The following RHBDL2 variants were observed in gnomAD, a reference collection of about 807,000 sequenced individuals.
RHBDL2 encodes the protein rhomboid like 2.
A neutral mutation model predicts 31.7 loss-of-function variants in RHBDL2; 26 were observed. The ratio of observed to expected loss-of-function variants is 0.82; its 90% CI spans 0.60 to 1.14. The LOEUF is 1.14. Among genes scored for constraint, RHBDL2 ranks in the 50% most tolerant of loss-of-function variants. The pLI, the probability that RHBDL2 is intolerant of heterozygous loss-of-function variation, is 0.00. For missense variants in RHBDL2, 336 were observed against 364.4 expected, an observed-to-expected ratio of 0.92 and a Z score of 0.63; for synonymous variants, 123 against 127.2, an observed-to-expected ratio of 0.97 and a Z score of 0.22.
At chr1:38,889,180 G>A (rs1431964775) in intron 6 of RHBDL2, among the ~76,000 whole-genome samples, 1 of 152,034 alleles carries the variant, frequency 6.6e-6, no homozygotes, top group Admixed American at 6.6e-5. Context: ...TGCAACCTCC[G>A]CCTCCCAGGT....
chr1:38,886,287 CTCT>C lies in RHBDL2; in HGVS notation c.*214_*216del, dbSNP rs1642783444. 1 of 331,702 alleles carries C rather than the reference CTCT, an allele frequency of 3.0e-6. No individual in the cohort carries two copies. The highest frequency in any genetic ancestry group is 2.1e-5 in the African/African-American group (1 of 47,236). The allele number at this position is 331,702 out of a possible 1,614,324, so 20.5% of individuals were successfully genotyped here. The stretch of plus-strand genomic sequence containing the variant: ...CTAGTTTTTACTACCCTTCTTTTCT[CTCT>C]TCTTCTTCCCTTTCTACATTAAGAA... On this transcript the variant is annotated 3_prime_UTR_variant, in exon 8 of 8. Transcript: ENST00000372990.
rs777134246 is a variant in RHBDL2 at position 38,887,996 on chromosome 1, A to G, written c.699T>C (p.Tyr233=). 4.3e-6 allele frequency: 7 copies of G among 1,613,020 alleles called. No individual in the cohort carries two copies. The highest frequency in any genetic ancestry group is 3.3e-5 in the Admixed American group (2 of 59,998). ...CATCTTCAGGAACAAAGAACCTTCT[A>G]TAGAGAGCAAATCCCATGTCCAACA... The part of the protein sequence containing the change: ...IIVLDMGFAL[Y]RRFFVPEDGS... Residue 233 remains tyrosine (Y), a synonymous_variant, in exon 7 of 8, where the codon TAT becomes TAC. Transcript: ENST00000372990.
At chr1:38,888,267 T>C (rs56066659) in intron 6 of RHBDL2, among the ~76,000 whole-genome samples, 18,960 of 151,956 alleles carry the variant, frequency 0.12, 1,527 homozygotes, top group Non-Finnish European at 0.18. Flanking sequence ...CCTCTATGTG[T>C]CAGGCATTAT....
intron 4 of RHBDL2, among the ~76,000 whole-genome samples, chr1:38,898,956 CAAT>C (rs1357807031): frequency 1.3e-5 from 2 of 152,164 alleles, no homozygotes; most frequent in Non-Finnish European, 2.9e-5. Context: ...AGTTACATCT[CAAT>C]CTTAAAATAT....
intron 1 of RHBDL2, chr1:38,925,853 A>C (rs1358282971): frequency 4.3e-6 from 3 of 698,910 alleles, no homozygotes; most frequent in Admixed American, 6.7e-5. Flanking sequence ...GTCATGTGAG[A>C]TATCCAGGCA....
intron 1 of RHBDL2, among the ~76,000 whole-genome samples, chr1:38,931,728 C>A (rs1159774921): frequency 6.6e-6 from 1 of 151,652 alleles, no homozygotes; most frequent in Admixed American, 6.6e-5. Flanking sequence ...GAAAAGGAAA[C>A]CACCTCCTGT....
intron 4 of RHBDL2, among the ~76,000 whole-genome samples, chr1:38,909,049 G>C (rs1482624680): frequency 6.6e-6 from 1 of 152,182 alleles, no homozygotes; most frequent in Non-Finnish European, 1.5e-5. Flanking sequence ...CCTCCGGCTG[G>C]TCAGTGGCCT....
intron 1 of RHBDL2, among the ~76,000 whole-genome samples, chr1:38,922,925 C>T (rs577279822): frequency 5.9e-5 from 9 of 152,108 alleles, no homozygotes; most frequent in South Asian, 2.1e-4. Context: ...AACCCATCTC[C>T]GTTAAAAATA....
rs1462671004 is a variant in RHBDL2 at position 38,920,199 on chromosome 1, G to A, written c.-125-862C>T. On this transcript the variant is annotated intron_variant, in intron 1 of 7. Transcript: ENST00000372990. Reference sequence around the variant, plus strand: ...TTTTTTTTTTTTGAGATGTAGTCTCGCTCTGTCACCCAGGCTGGAGTCCAG... The same window carrying A: ...TTTTTTTTTTTTGAGATGTAGTCTCACTCTGTCACCCAGGCTGGAGTCCAG... Among the ~76,000 whole-genome samples, 13 of 112,814 alleles carry A rather than the reference G, an allele frequency of 1.2e-4. No homozygotes were observed. The East Asian group carries it at 1.3e-3, about 11-fold the overall frequency. The allele number at this position is 112,814 out of a possible 152,430, so 74.0% of individuals were successfully genotyped here.
chr1:38,903,643 C>T (rs541789290), intron 4 of RHBDL2, among the ~76,000 whole-genome samples: 1 of 152,224 alleles, frequency 6.6e-6, no homozygotes, highest in African/African-American at 2.4e-5. Context: ...TTAAAATGTC[C>T]GTTTTCCCCA....
chr1:38,939,301 C>T (rs1229470590), intron 1 of RHBDL2, among the ~76,000 whole-genome samples: 1 of 152,040 alleles, frequency 6.6e-6, no homozygotes, highest in African/African-American at 2.4e-5. Flanking sequence ...AGTGCAGCGG[C>T]CTGATCTCAG....
At chr1:38,893,731 G>T (rs919681530) in intron 5 of RHBDL2, among the ~76,000 whole-genome samples, 2 of 151,716 alleles carry the variant, frequency 1.3e-5, no homozygotes, top group African/African-American at 2.4e-5. Flanking sequence ...CGCTCTTGGG[G>T]GGGTTCTGTG....
At chr1:38,905,529 T>TA (rs763814511) in intron 4 of RHBDL2, among the ~76,000 whole-genome samples, 92 of 148,736 alleles carry the variant, frequency 6.2e-4, no homozygotes, top group Non-Finnish European at 9.1e-4. Flanking sequence ...GCAAATGAAT[T>TA]ACTTGAGGCC....
rs1270008871 is a variant in RHBDL2 at position 38,911,385 on chromosome 1, G to C, written c.445C>G (p.Pro149Ala). 3 of 1,613,938 alleles carry C rather than the reference G, an allele frequency of 1.9e-6. No homozygotes were observed. In the South Asian group the frequency reaches 3.3e-5, roughly 18 times the overall value. The change falls in exon 4 of 8, where the codon CCC (proline) becomes GCC (alanine). Residue 149 changes from proline to alanine, a missense_variant. Coordinates refer to ENST00000372990, the MANE Select transcript of RHBDL2 (RefSeq NM_017821.5). ...NLCMQLVLGIPLEMVHKGLRV... is the reference protein window; with the variant it reads ...NLCMQLVLGIALEMVHKGLRV... Reference sequence around the variant, plus strand: ...AGGCCTTTGTGGACCATTTCCAAGGGAATACCCAAAACAAGCTGCATACAA... The same window carrying C: ...AGGCCTTTGTGGACCATTTCCAAGGCAATACCCAAAACAAGCTGCATACAA...
At chr1:38,920,126 AG>A (rs1643291337) in intron 1 of RHBDL2, among the ~76,000 whole-genome samples, 1 of 150,600 alleles carries the variant, frequency 6.6e-6, no homozygotes, top group African/African-American at 2.4e-5. Flanking sequence ...TGTACCATCC[AG>A]TATGTGGCCT....
chr1:38,896,216 A>G, intron 4 of RHBDL2, 147 bp from the exon 5 acceptor site: 1 of 607,888 alleles, frequency 1.6e-6, no homozygotes, highest in South Asian at 2.1e-5. Context: ...ATACCATAGA[A>G]GCATAGCTGT....
chr1:38,927,916 G>T (rs1643395636), intron 1 of RHBDL2, among the ~76,000 whole-genome samples: 1 of 152,030 alleles, frequency 6.6e-6, no homozygotes, highest in African/African-American at 2.4e-5. Flanking sequence ...CAGCTAATAA[G>T]GGGAGGGCTG....
chr1:38,933,523 T>C (rs1643459691), intron 1 of RHBDL2, among the ~76,000 whole-genome samples: 1 of 152,126 alleles, frequency 6.6e-6, no homozygotes, highest in African/African-American at 2.4e-5. Flanking sequence ...AACAATCCCA[T>C]GAATGGAGAA....
intron 4 of RHBDL2, among the ~76,000 whole-genome samples, chr1:38,908,356 T>C (rs917122933): frequency 2.6e-5 from 4 of 151,224 alleles, no homozygotes; most frequent in African/African-American, 4.9e-5. Context: ...CTACTAAAAA[T>C]ACAAAATTAG....
Sources: allele counts gnomAD v4.1 joint callset (sites outside exome capture counted in the v4.1 genomes callset), GRCh38; gene constraint gnomAD v4.1.1; transcripts MANE v1.5; gene names NCBI Gene and HGNC (gene_info 2026-07-23, HGNC 2026-07-21).